The following ERCC3 variants were observed in gnomAD, a reference collection of about 807,000 sequenced individuals.
The protein encoded by ERCC3 is general transcription and DNA repair factor IIH helicase/translocase subunit XPB.
ERCC3 carries 66 observed loss-of-function variants against 94.2 expected under a neutral mutation model. The ratio of observed to expected loss-of-function variants is 0.70; its 90% CI spans 0.57 to 0.86. The LOEUF is 0.86. ERCC3 is among the 40% of genes least tolerant of loss of function. The pLI is 0.00. For synonymous variants in ERCC3, 349 were observed against 369.1 expected, an observed-to-expected ratio of 0.95 and a Z score of 0.63; for missense variants, 829 against 987.1, an observed-to-expected ratio of 0.84 and a Z score of 2.15.
At chr2:127,289,040 A>C (rs145763319) in intron 6 of ERCC3, among the ~76,000 whole-genome samples, 176 bp from the exon 7 acceptor site, 42 of 152,330 alleles carry the variant, frequency 2.8e-4, no homozygotes, top group Non-Finnish European at 4.6e-4. Flanking sequence ...CAGACTAACA[A>C]CACTTTGAAA....
intron 1 of ERCC3, 81 bp downstream of exon 1, chr2:127,293,973 G>A (rs755269126): frequency 2.6e-6 from 4 of 1,565,884 alleles, no homozygotes; most frequent in East Asian, 4.7e-5. Flanking sequence ...CGGCGCAGAG[G>A]CCCGGAGCAG....
rs1415793615 is a variant in ERCC3, at chr2:127,293,546, C to T, written c.201G>A (p.Leu67=). The change falls in exon 2 of 15, where the codon CTG becomes CTA. Residue 67 remains leucine (L), a synonymous_variant. Transcript: ENST00000285398. The stretch of plus-strand genomic sequence containing the variant: ...GGGGCCTGGAGGTGTGGTCGTCCTT[C>T]AGCGGCATTTGCAGCCTGTAGTCCT... ...GAKDYRLQMP[L]KDDHTSRPLW... 6.2e-7 allele frequency: 1 copy of T among 1,614,214 alleles called. No homozygotes were observed. Among genetic ancestry groups the T allele is most frequent in the South Asian group, 1.1e-5 (1 of 91,080 alleles).
In ERCC3 at chr2:127,290,044, G is replaced by A. The variant is rs4150412; in HGVS notation, c.521+180C>T. The A allele has an allele frequency of 5.8e-3, 4,438 of 763,204 alleles. 114 individuals are homozygous for A. The highest frequency in any genetic ancestry group is 0.051 in the East Asian group (1,915 of 37,580). The allele number at this position is 763,204 out of a possible 1,614,324, so 47.3% of individuals were successfully genotyped here. The stretch of plus-strand genomic sequence containing the variant: ...GCCTGAGCCCAGCTCCACTGCTAGA[G>A]GAAATACAGTGGCCAGTGGATGAGT... On this transcript the variant is annotated intron_variant, in intron 4 of 14. Transcript: ENST00000285398.
chr2:127,282,093 T>C (rs1176223965), intron 8 of ERCC3, among the ~76,000 whole-genome samples: 2 of 152,150 alleles, frequency 1.3e-5, no homozygotes, highest in African/African-American at 4.8e-5. Flanking sequence ...CTACTCAATA[T>C]ATTTTTACAG....
chr2:127,280,263 C>A lies in ERCC3; in HGVS notation c.1527+184G>T, dbSNP rs1049027007. Among the ~76,000 whole-genome samples, 6 of 152,222 alleles carry A rather than the reference C, an allele frequency of 3.9e-5. No individual in the cohort carries two copies. The highest frequency in any genetic ancestry group is 8.8e-5 in the Non-Finnish European group (6 of 68,038). On this transcript the variant is annotated intron_variant, in intron 9 of 14. Transcript: ENST00000285398. The surrounding 1 kb of genome is among the most constrained non-coding windows in gnomAD (Gnocchi z 6.3). ...GGGGTATGTGAGATATGTGACAAGA[C>A]AGAAGATATGCAGCAAGTGGGTCTA...
In ERCC3 at chr2:127,259,946, G is replaced by A. The variant is rs961311224; in HGVS notation, c.2065-498C>T. Reference sequence around the variant, plus strand: ...GGAAGATTATTTATAGAGCTTCTCTGAGAGAGTAAGAACAGCATGGTGGAG... The same window carrying A: ...GGAAGATTATTTATAGAGCTTCTCTAAGAGAGTAAGAACAGCATGGTGGAG... On this transcript the variant is annotated intron_variant, in intron 13 of 14. Transcript: ENST00000285398. The surrounding 1 kb of genome is among the most constrained non-coding windows in gnomAD (Gnocchi z 4.9). 12 of 225,556 alleles carry A rather than the reference G, an allele frequency of 5.3e-5. No homozygotes were observed. The highest frequency in any genetic ancestry group is 2.7e-4 in the African/African-American group (12 of 43,896). 14.0% of individuals were successfully genotyped at this position (225,556 alleles called of 1,614,324 possible).
In ERCC3 at chr2:127,290,576, C is replaced by T. The variant is rs1386639972; in HGVS notation, c.472-303G>A. The T allele has an allele frequency of 1.5e-5, 7 of 454,244 alleles. No homozygotes were observed. The East Asian group carries it at 2.7e-4, about 17-fold the overall frequency. The allele number at this position is 454,244 out of a possible 1,614,324, so 28.1% of individuals were successfully genotyped here. A position where few individuals can be genotyped will look rare whatever the true frequency, so the allele number is the denominator to read the frequency against. ...CTATTCCCACAGCCCCCACCCTAGT[C>T]TAGAGAAGACCACACCAGTATTACT... On this transcript the variant is annotated intron_variant, in intron 3 of 14. Transcript: ENST00000285398.
At chr2:127,289,168 T>C (rs1010969367) in intron 6 of ERCC3, among the ~76,000 whole-genome samples, 169 bp downstream of exon 6, 3 of 152,142 alleles carry the variant, frequency 2.0e-5, no homozygotes, top group African/African-American at 7.2e-5. Context: ...TTTAACTCCA[T>C]CAGGAGAAAT....
intron 13 of ERCC3, chr2:127,261,009 G>C (rs1289970121): frequency 1.7e-6 from 1 of 572,066 alleles, no homozygotes; most frequent in Admixed American, 2.7e-5. Flanking sequence ...CACAGTGCTG[G>C]TCATAGTGCC....
At chr2:127,266,808 C>T (rs1419707580) in intron 12 of ERCC3, among the ~76,000 whole-genome samples, 2 of 151,386 alleles carry the variant, frequency 1.3e-5, no homozygotes, top group South Asian at 2.1e-4. Context: ...CTCTGCCTCC[C>T]GGCTTCAAGT....
rs143373669 is a variant in ERCC3 at position 127,284,465 on chromosome 2, G to C, written c.1342+2238C>G. ...TTCCCACAGCAGGGCCCACACCCTG[G>C]GCTTCCATCAGAAAGACCTCCAATC... On this transcript the variant is annotated intron_variant, in intron 8 of 14. Coordinates refer to ENST00000285398, the MANE Select transcript of ERCC3 (RefSeq NM_000122.2). The surrounding 1 kb of genome is among the most constrained non-coding windows in gnomAD (Gnocchi z 4.1). Among the ~76,000 whole-genome samples the C allele has an allele frequency of 2.3e-3, 354 of 152,238 alleles. 1 individual carries two copies. The highest frequency in any genetic ancestry group is 7.7e-3 in the African/African-American group (321 of 41,534).
chr2:127,261,896 G>A (rs756359579), intron 12 of ERCC3: 5 of 169,732 alleles, frequency 2.9e-5, no homozygotes, highest in African/African-American at 9.6e-5. Flanking sequence ...TAAATGATGC[G>A]GCTGCTTTGG....
At position 127,279,304 on chromosome 2, in the gene ERCC3, C is replaced by T. The variant is rs1684834863; in HGVS notation, c.1599G>A (p.Leu533=). Residue 533 remains leucine (L), a synonymous_variant, in exon 10 of 15, where the codon CTG becomes CTA. Coordinates refer to ENST00000285398, the MANE Select transcript of ERCC3 (RefSeq NM_000122.2). The surrounding 1 kb of genome is among the most constrained non-coding windows in gnomAD (Gnocchi z 4.7). ...VAIKTKKRIL[L]YTMNPNKFRA... ...TAAATTTGTTGGGGTTCATGGTGTACAGCAAGATTCGTTTCTTGGTTTTGA... is the reference window on the plus strand; with the variant it reads ...TAAATTTGTTGGGGTTCATGGTGTATAGCAAGATTCGTTTCTTGGTTTTGA... The T allele has an allele frequency of 6.2e-7, 1 of 1,614,066 alleles. No homozygotes were observed. The highest frequency in any genetic ancestry group is 1.1e-5 in the South Asian group (1 of 91,080).
In ERCC3 at chr2:127,261,931, A is replaced by G. The variant is rs189697506; in HGVS notation, c.1946-585T>C. 304 of 166,148 alleles carry G rather than the reference A, an allele frequency of 1.8e-3. 2 individuals are homozygous for G. The highest frequency in any genetic ancestry group is 7.1e-3 in the African/African-American group (297 of 41,648). 10.3% of individuals were successfully genotyped at this position (166,148 alleles called of 1,614,324 possible). A position where few individuals can be genotyped will look rare whatever the true frequency, so the allele number is the denominator to read the frequency against. On this transcript the variant is annotated intron_variant, in intron 12 of 14. Transcript: ENST00000285398. ...GAAAACAGTCTGGCAGTTCATCAAA[A>G]TGTTAAACACACTGTTATAACCACA... is the stretch of plus-strand genomic sequence containing the variant.
At position 127,274,650 on chromosome 2, in the gene ERCC3, A is replaced by C. The variant is rs1370733402; in HGVS notation, c.1731-1689T>G. ...TGATCCAGAATGTCCCGGCCACCACATAATTTTATCATTTTCTATGCATGT... is the reference window on the plus strand; with the variant it reads ...TGATCCAGAATGTCCCGGCCACCACCTAATTTTATCATTTTCTATGCATGT... On this transcript the variant is annotated intron_variant, in intron 10 of 14. Coordinates refer to ENST00000285398, the MANE Select transcript of ERCC3 (RefSeq NM_000122.2). The surrounding 1 kb of genome is among the most constrained non-coding windows in gnomAD (Gnocchi z 4.0). Among the ~76,000 whole-genome samples, 1 of 152,208 alleles carries C rather than the reference A, an allele frequency of 6.6e-6. No individual in the cohort carries two copies. Among genetic ancestry groups the C allele is most frequent in the Non-Finnish European group, 1.5e-5 (1 of 68,038 alleles).
At chr2:127,268,079 G>C (rs775322650) in intron 12 of ERCC3, among the ~76,000 whole-genome samples, 14 of 151,972 alleles carry the variant, frequency 9.2e-5, no homozygotes, top group Admixed American at 2.6e-4. Context: ...TCAGCCTCCT[G>C]AGTAGCTGAG....
chr2:127,292,611 T>C lies in ERCC3; in HGVS notation c.470A>G (p.Lys157Arg). The C allele has an allele frequency of 6.2e-7, 1 of 1,601,204 alleles. No individual in the cohort carries two copies. Among genetic ancestry groups the C allele is most frequent in the Non-Finnish European group, 8.6e-7 (1 of 1,168,446 alleles). The stretch of plus-strand genomic sequence containing the variant: ...TTGCTGGTCTCAGCTGTCACTTGCC[T>C]TAATAAACTGCATAATTCCATCAGG... ...GVPDGIMQFIKLCTVSYGKVK... is the reference protein window; with the variant it reads ...GVPDGIMQFIRLCTVSYGKVK... The change falls in exon 3 of 15, where the codon AAG becomes AGG. Residue 157 changes from lysine (K) to arginine (R), a missense_variant and splice_region_variant. By Grantham distance (26) the Lys-to-Arg change is conservative. Coordinates refer to ENST00000285398, the MANE Select transcript of ERCC3 (RefSeq NM_000122.2).
rs10174535 is a variant in ERCC3 at position 127,292,580 on chromosome 2, G to A, written c.471+30C>T. The A allele has an allele frequency of 6.1e-4, 843 of 1,382,086 alleles. 4 individuals are homozygous for A. The African/African-American group carries it at 0.011, about 17-fold the overall frequency. 85.6% of individuals were successfully genotyped at this position (1,382,086 alleles called of 1,614,324 possible). A position where few individuals can be genotyped will look rare whatever the true frequency, so the allele number is the denominator to read the frequency against. On this transcript the variant is annotated intron_variant, in intron 3 of 14. Coordinates refer to ENST00000285398, the MANE Select transcript of ERCC3 (RefSeq NM_000122.2). Reference sequence around the variant, plus strand: ...GCCTATTGTTACATTAGCAGGGCAGGTGGAATTGCTGGTCTCAGCTGTCAC... The same window carrying A: ...GCCTATTGTTACATTAGCAGGGCAGATGGAATTGCTGGTCTCAGCTGTCAC...
At chr2:127,289,288 T>C (rs1234675967) in intron 6 of ERCC3, 49 bp downstream of exon 6, 3 of 1,548,550 alleles carry the variant, frequency 1.9e-6, no homozygotes, top group Non-Finnish European at 2.7e-6. Flanking sequence ...TGGACTAGCT[T>C]CTAACAGCAG....
Sources: gnomAD v4.1 joint callset for allele counts (sites outside exome capture counted in the v4.1 genomes callset) on GRCh38, gnomAD v4.1.1 for gene constraint, Gnocchi (gnomAD v3.1) non-coding constraint, MANE v1.5 for transcripts, NCBI Gene and HGNC (gene_info 2026-07-23, HGNC 2026-07-21) for gene names.